The following TXNL1 variants were observed in gnomAD, a reference collection of about 807,000 sequenced individuals.
TXNL1 encodes thioredoxin-like protein 1.
In TXNL1, 14 loss-of-function variants were observed where a neutral mutation model predicts 35.5. That is an observed-to-expected ratio of 0.39 (90% confidence interval 0.26 to 0.62). The LOEUF is 0.62. Ranked by LOEUF, TXNL1 falls within the 20% of genes least tolerant of loss-of-function variation. The probability of loss-of-function intolerance (pLI) is 0.47; values close to 1 mark genes in which losing one functional copy is unlikely to be tolerated. For synonymous variants in TXNL1, 110 were observed against 115.5 expected, an observed-to-expected ratio of 0.95 and a Z score of 0.31; for missense variants, 263 against 349.7, an observed-to-expected ratio of 0.75 and a Z score of 1.98.
In TXNL1 at chr18:56,638,431, C is replaced by A. The variant is rs1377837320; in HGVS notation, c.10G>T (p.Val4Leu). 1 of 1,612,706 alleles carries A rather than the reference C, an allele frequency of 6.2e-7. No homozygotes were observed. The highest frequency in any genetic ancestry group is 2.2e-5 in the East Asian group (1 of 44,838). The change falls in exon 1 of 8, where the codon GTG becomes TTG. Residue 4 changes from valine to leucine, a missense_variant. By Grantham distance (32) the Val-to-Leu change is conservative (BLOSUM62 1). Coordinates refer to ENST00000217515, the MANE Select transcript of TXNL1 (RefSeq NM_004786.3). MVG[V>L]KPVGSDPDFQ... ...TCCGGGTCGCTCCCGACGGGCTTCA[C>A]CCCCACCATCCTCACAGAGAGCCCG...
chr18:56,637,105 T>C (rs2024467574), intron 1 of TXNL1, among the ~76,000 whole-genome samples: 1 of 152,208 alleles, frequency 6.6e-6, no homozygotes, highest in Admixed American at 6.5e-5. Context: ...CAAGGTACTA[T>C]CCTTTTTCAA....
Position 56,600,984 on chromosome 18 carries a change from C to A in TXNL1, c.*2043G>T, listed in dbSNP as rs771663781. Reference sequence around the variant, plus strand: ...TTTTTGCTATGTCCGACAAAATGAACAAGAAACTGAATACCAGTTTTCTAG... The same window carrying A: ...TTTTTGCTATGTCCGACAAAATGAAAAAGAAACTGAATACCAGTTTTCTAG... On this transcript the variant is annotated 3_prime_UTR_variant, in exon 8 of 8. Coordinates refer to ENST00000217515, the MANE Select transcript of TXNL1 (RefSeq NM_004786.3). 1.3e-5 allele frequency: 2 copies of A among 152,108 alleles called. No individual in the cohort carries two copies. Among genetic ancestry groups the A allele is most frequent in the Non-Finnish European group, 2.9e-5 (2 of 68,010 alleles). 9.4% of individuals were successfully genotyped at this position (152,108 alleles called of 1,614,324 possible).
chr18:56,626,137 A>G (rs1211716669), intron 2 of TXNL1: 107 of 1,187,608 alleles, frequency 9.0e-5, no homozygotes, highest in East Asian at 2.3e-4. Flanking sequence ...TATTAATTTT[A>G]TATCAGAAGG....
At chr18:56,626,568 C>CT (rs1458132562) in intron 1 of TXNL1, 111 bp from the exon 2 acceptor site, 6 of 997,212 alleles carry the variant, frequency 6.0e-6, no homozygotes, top group Non-Finnish European at 8.8e-6. Context: ...TTTTGACTCT[C>CT]TGTTTTTTTT....
intron 6 of TXNL1, 101 bp from the exon 7 acceptor site, chr18:56,611,198 T>A (rs2023984975): frequency 1.2e-6 from 1 of 832,842 alleles, no homozygotes; most frequent in South Asian, 1.6e-5. Context: ...TATTCTCCAT[T>A]CTTTGTAAAA....
At chr18:56,613,862 T>C (rs2024037333) in intron 6 of TXNL1, among the ~76,000 whole-genome samples, 1 of 152,016 alleles carries the variant, frequency 6.6e-6, no homozygotes, top group African/African-American at 2.4e-5. Context: ...AAATGTAGTA[T>C]TATCTTTTTA....
At position 56,598,418 on chromosome 18, in the gene TXNL1, G is replaced by C. The variant is rs898609236; in HGVS notation, c.*4609C>G. On this transcript the variant is annotated 3_prime_UTR_variant, in exon 8 of 8. Transcript: ENST00000217515. ...TTATTCCCGGTATCAGTTTTCCTTGGACTGAGCCTTGTAGATAAGTAGGAA... is the reference window on the plus strand; with the variant it reads ...TTATTCCCGGTATCAGTTTTCCTTGCACTGAGCCTTGTAGATAAGTAGGAA... 2.0e-5 allele frequency: 3 copies of C among 152,140 alleles called. No individual in the cohort carries two copies. Among genetic ancestry groups the C allele is most frequent in the African/African-American group, 4.8e-5 (2 of 41,420 alleles). 9.4% of individuals were successfully genotyped at this position (152,140 alleles called of 1,614,324 possible). A position where few individuals can be genotyped will look rare whatever the true frequency, so the allele number is the denominator to read the frequency against.
In TXNL1 at chr18:56,611,027, G is replaced by A; in HGVS notation, c.806C>T (p.Pro269Leu). ...RISYFTFIGTPVQATNMNDFK... is the reference protein window; with the variant it reads ...RISYFTFIGTLVQATNMNDFK... ...GTCATTCATATTTGTTGCCTGGACT[G>A]GAGTACCAATAAAAGTAAAATATGA... The change falls in exon 7 of 8, where the codon CCA becomes CTA. Residue 269 changes from proline (P) to leucine (L), a missense_variant. Transcript: ENST00000217515. The A allele has an allele frequency of 3.1e-6, 5 of 1,607,846 alleles. No individual in the cohort carries two copies. Among genetic ancestry groups the A allele is most frequent in the Non-Finnish European group, 4.2e-6 (5 of 1,177,746 alleles).
intron 7 of TXNL1, among the ~76,000 whole-genome samples, chr18:56,607,391 A>G (rs1724052346): frequency 6.6e-6 from 1 of 151,514 alleles, no homozygotes; most frequent in African/African-American, 2.4e-5. Flanking sequence ...TCCTGGGTTT[A>G]AGTGATCTTC....
Position 56,614,675 on chromosome 18 carries a change from TAC to T in TXNL1, c.563-81_563-80del, listed in dbSNP as rs2024054902. 5 of 1,142,174 alleles carry T rather than the reference TAC, an allele frequency of 4.4e-6. No individual in the cohort carries two copies. The Admixed American group carries it at 8.0e-5, about 18-fold the overall frequency. The allele number at this position is 1,142,174 out of a possible 1,614,324, so 70.8% of individuals were successfully genotyped here. ...TCCCTTTACCACTACACTCACACTATACACAGACACACACAAATCAATACACA... is the reference window on the plus strand; with the variant it reads ...TCCCTTTACCACTACACTCACACTATACAGACACACACAAATCAATACACA... On this transcript the variant is annotated intron_variant, in intron 5 of 7. Transcript: ENST00000217515.
At chr18:56,612,017 C>CT (rs1240758709) in intron 6 of TXNL1, among the ~76,000 whole-genome samples, 25 of 109,062 alleles carry the variant, frequency 2.3e-4, no homozygotes, top group African/African-American at 1.7e-3. Context: ...CCCGGCTAAT[C>CT]TTTTTTTTTT....
intron 7 of TXNL1, 81 bp downstream of exon 7, chr18:56,610,912 A>G (rs2023979333): frequency 1.1e-6 from 1 of 898,026 alleles, no homozygotes; most frequent in Non-Finnish European, 1.7e-6. Flanking sequence ...GTTAAAAGAA[A>G]GTGTGACAGT....
chr18:56,619,436 G>A lies in TXNL1; in HGVS notation c.370-1310C>T, dbSNP rs545186373. Among the ~76,000 whole-genome samples, 8 of 148,698 alleles carry A rather than the reference G, an allele frequency of 5.4e-5. No homozygotes were observed. The South Asian group carries it at 1.7e-3, about 32-fold the overall frequency. On this transcript the variant is annotated intron_variant, in intron 3 of 7. Transcript: ENST00000217515. Reference sequence around the variant, plus strand: ...ACCTATAATCCCAGCTACTCGGGAAGCTGAGGCAGGAGAACTTCTTGAACC... The same window carrying A: ...ACCTATAATCCCAGCTACTCGGGAAACTGAGGCAGGAGAACTTCTTGAACC...
At chr18:56,629,326 T>C (rs1344385730) in intron 1 of TXNL1, among the ~76,000 whole-genome samples, 1 of 152,148 alleles carries the variant, frequency 6.6e-6, no homozygotes, top group African/African-American at 2.4e-5. Flanking sequence ...CCAGGAGTTC[T>C]AGATCAGCCA....
intron 1 of TXNL1, among the ~76,000 whole-genome samples, chr18:56,633,352 C>G (rs1198952447): frequency 6.7e-6 from 1 of 149,072 alleles, no homozygotes; most frequent in Non-Finnish European, 1.5e-5. Flanking sequence ...GAGGCTGAGG[C>G]AGGAGAATGG....
At position 56,634,281 on chromosome 18, in the gene TXNL1, C is replaced by T. The variant is rs139582107; in HGVS notation, c.98+4062G>A. ...CTCTGTGCAGATACACAGAGATGAA[C>T]GTGCATTTCTTTTCTCCTTAGGCTG... On this transcript the variant is annotated intron_variant, in intron 1 of 7. Coordinates refer to ENST00000217515, the MANE Select transcript of TXNL1 (RefSeq NM_004786.3). Among the ~76,000 whole-genome samples the T allele has an allele frequency of 1.5e-3, 228 of 152,208 alleles. 2 individuals carry two copies. In the East Asian group the frequency reaches 0.039, roughly 26 times the overall value.
At chr18:56,635,494 G>C (rs2024442184) in intron 1 of TXNL1, among the ~76,000 whole-genome samples, 1 of 152,166 alleles carries the variant, frequency 6.6e-6, no homozygotes, top group African/African-American at 2.4e-5. Flanking sequence ...ACTATGCTAA[G>C]TGAAGTCAAA....
Position 56,601,890 on chromosome 18 carries a change from T to A in TXNL1, c.*1137A>T, listed in dbSNP as rs1356829014. ...GAATAGGTATTTTACCAGCCTTTTG[T>A]GAAAGACCTTTTAAACATTTCTATT... On this transcript the variant is annotated 3_prime_UTR_variant, in exon 8 of 8. Coordinates refer to ENST00000217515, the MANE Select transcript of TXNL1 (RefSeq NM_004786.3). The A allele has an allele frequency of 1.3e-5, 2 of 152,264 alleles. No individual in the cohort carries two copies. Among genetic ancestry groups the A allele is most frequent in the Non-Finnish European group, 2.9e-5 (2 of 68,052 alleles). 9.4% of individuals were successfully genotyped at this position (152,264 alleles called of 1,614,324 possible). A position where few individuals can be genotyped will look rare whatever the true frequency, so the allele number is the denominator to read the frequency against.
At chr18:56,623,637 T>C (rs2024227772) in intron 3 of TXNL1, among the ~76,000 whole-genome samples, 1 of 152,120 alleles carries the variant, frequency 6.6e-6, no homozygotes, top group African/African-American at 2.4e-5. Flanking sequence ...AGCTCTCAAA[T>C]TAAAAATGCT....
Sources: gnomAD v4.1 joint callset for allele counts (sites outside exome capture counted in the v4.1 genomes callset) on GRCh38, gnomAD v4.1.1 for gene constraint, MANE v1.5 for transcripts, NCBI Gene and HGNC (gene_info 2026-07-23, HGNC 2026-07-21) for gene names.